Variants in TBRG1 observed in about 807,000 individuals in gnomAD.
TBRG1 encodes nuclear interactor of ARF and MDM2.
TBRG1 carries 31 observed loss-of-function variants against 44.0 expected under a neutral mutation model. The observed-to-expected ratio is 0.70, with a 90% CI of 0.53 to 0.95. The LOEUF (loss-of-function observed/expected upper bound fraction) is 0.95. Among genes scored for constraint, TBRG1 ranks in the 40% least tolerant of loss-of-function variants. The pLI is 0.00. For missense variants in TBRG1, 487 were observed against 496.1 expected (o/e 0.98, Z 0.18); for synonymous variants, 171 against 188.1 (o/e 0.91, Z 0.74).
rs1182168141 is a variant in TBRG1, at chr11:124,632,430, CTT to C, written c.*193_*194del. On this transcript the variant is annotated 3_prime_UTR_variant, in exon 9 of 9. Transcript: ENST00000441174. ...GCTTTATTTTTAGTAATAAATTTCT[CTT>C]GTCAATTCTGTTTACTTTCATCTTG... is the stretch of plus-strand genomic sequence containing the variant. 6.2e-6 allele frequency: 3 copies of C among 482,616 alleles called. No homozygotes were observed. The highest frequency in any genetic ancestry group is 3.7e-6 in the Non-Finnish European group (1 of 272,066). 29.9% of individuals were successfully genotyped at this position (482,616 alleles called of 1,614,324 possible). A position where few individuals can be genotyped will look rare whatever the true frequency, so the allele number is the denominator to read the frequency against.
chr11:124,631,731 T>C (rs1942615045), intron 8 of TBRG1: 1 of 443,360 alleles, frequency 2.3e-6, no homozygotes, highest in African/African-American at 2.0e-5. Context: ...GGGAATAACA[T>C]TTCAAGTGAA....
chr11:124,635,318 C>T lies in TBRG1; in HGVS notation c.*3080C>T, dbSNP rs1942704026. On this transcript the variant is annotated 3_prime_UTR_variant, in exon 9 of 9. Transcript: ENST00000441174. ...TGAACGAGTTGAATGCTAGGAAGTCCTCAGGGGAGCCAACGTTCCTTGTAA... is the reference window on the plus strand; with the variant it reads ...TGAACGAGTTGAATGCTAGGAAGTCTTCAGGGGAGCCAACGTTCCTTGTAA... 6.6e-6 allele frequency: 1 copy of T among 152,136 alleles called. No homozygotes were observed. The highest frequency in any genetic ancestry group is 2.4e-5 in the African/African-American group (1 of 41,422). 9.4% of individuals were successfully genotyped at this position (152,136 alleles called of 1,614,324 possible). A position where few individuals can be genotyped will look rare whatever the true frequency, so the allele number is the denominator to read the frequency against.
chr11:124,630,359 T>G, intron 5 of TBRG1, 29 bp from the exon 6 acceptor site: 6 of 1,412,424 alleles, frequency 4.2e-6, no homozygotes, highest in Non-Finnish European at 6.0e-6. Flanking sequence ...TCTTGAGGAT[T>G]GATCTCATTG....
Position 124,623,221 on chromosome 11 carries a change from G to C in TBRG1, c.138G>C (p.Lys46Asn), listed in dbSNP as rs1477639491. The C allele has an allele frequency of 6.4e-7, 1 of 1,551,390 alleles. No individual in the cohort carries two copies. Among genetic ancestry groups the C allele is most frequent in the Non-Finnish European group, 8.7e-7 (1 of 1,147,016 alleles). ...ACCTGCGGCTGCGCAAAGCGGCCAA[G>C]GCCACGGTGTTTGTGAGTCTGACCC... ...LKYLRLRKAA[K>N]ATVFENAAIC... is the part of the protein sequence containing the mutation. Residue 46 changes from lysine (K) to asparagine (N), a missense_variant, in exon 1 of 9, where the codon AAG becomes AAC. By Grantham distance (94) the Lys-to-Asn change is moderately conservative. Coordinates refer to ENST00000441174, the MANE Select transcript of TBRG1 (RefSeq NM_032811.3).
chr11:124,632,196 G>A lies in TBRG1; in HGVS notation c.1194G>A (p.Leu398=), dbSNP rs748203424. The A allele has an allele frequency of 6.2e-7, 1 of 1,613,814 alleles. No homozygotes were observed. The highest frequency in any genetic ancestry group is 1.7e-5 in the Admixed American group (1 of 60,018). The change falls in exon 9 of 9, where the codon TTG becomes TTA. Residue 398 remains leucine (L), a synonymous_variant. Transcript: ENST00000441174. ...TGGTAGATACTCACCTGCAGCACTT[G>A]AAGTCTCCATCACAGGGTAGCCCAA... is the stretch of plus-strand genomic sequence containing the variant. The part of the protein sequence containing the change: ...EPLVDTHLQH[L]KSPSQGSPIQ...
Position 124,632,147 on chromosome 11 carries a change from C to A in TBRG1, c.1145C>A (p.Pro382His). 6.2e-7 allele frequency: 1 copy of A among 1,613,502 alleles called. No homozygotes were observed. The highest frequency in any genetic ancestry group is 8.5e-7 in the Non-Finnish European group (1 of 1,179,534). The change falls in exon 9 of 9, where the codon CCC (proline) becomes CAC (histidine). Residue 382 changes from proline to histidine, a missense_variant. By Grantham distance (77) the Pro-to-His change is moderately conservative. Coordinates refer to ENST00000441174, the MANE Select transcript of TBRG1 (RefSeq NM_032811.3). ...GCAGCCTTTGTGTCTTCTTACCAGC[C>A]CATGTACCTGACACATGAACCCTTG... ...QPAAFVSSYQ[P>H]MYLTHEPLVD...
At position 124,625,803 on chromosome 11, in the gene TBRG1, T is replaced by G. The variant is rs1483033765; in HGVS notation, c.354T>G (p.Ala118=). 6.3e-7 allele frequency: 1 copy of G among 1,582,706 alleles called. No homozygotes were observed. Among genetic ancestry groups the G allele is most frequent in the East Asian group, 2.3e-5 (1 of 43,718 alleles). The change falls in exon 3 of 9, where the codon GCT becomes GCG. Residue 118 remains alanine (A), a synonymous_variant. Coordinates refer to ENST00000441174, the MANE Select transcript of TBRG1 (RefSeq NM_032811.3). ...VASSVGTIQG[A]GPISGPSTGA... ...GCTCTGTGGGAACTATACAGGGAGC[T>G]GGGCCTATTTCAGGGCCCAGCACTG... is the stretch of plus-strand genomic sequence containing the variant.
intron 5 of TBRG1, among the ~76,000 whole-genome samples, chr11:124,627,643 A>T (rs73622475): frequency 6.6e-6 from 1 of 152,164 alleles, no homozygotes; most frequent in Non-Finnish European, 1.5e-5. Context: ...AGTAAGGTAG[A>T]AGGAAGTAGA....
chr11:124,622,976 G>A lies in TBRG1; in HGVS notation c.-108G>A, dbSNP rs1465409800. On this transcript the variant is annotated 5_prime_UTR_variant, in exon 1 of 9. Transcript: ENST00000441174. ...CGTCCCGGAGAGCTAGATTCCTAGA[G>A]GCCCGATTCCGCTAGCCCGGAACAG... The A allele has an allele frequency of 3.2e-6, 4 of 1,245,038 alleles. No homozygotes were observed. In the African/African-American group the frequency reaches 6.1e-5, roughly 19 times the overall value. The allele number at this position is 1,245,038 out of a possible 1,614,324, so 77.1% of individuals were successfully genotyped here. A position where few individuals can be genotyped will look rare whatever the true frequency, so the allele number is the denominator to read the frequency against.
intron 5 of TBRG1, among the ~76,000 whole-genome samples, chr11:124,629,753 T>C (rs1942568772): frequency 6.6e-6 from 1 of 152,230 alleles, no homozygotes; most frequent in Non-Finnish European, 1.5e-5. Flanking sequence ...ACTTTAAAAC[T>C]AGTCAAATAA....
At position 124,625,831 on chromosome 11, in the gene TBRG1, G is replaced by A; in HGVS notation, c.382G>A (p.Ala128Thr). 1 of 1,580,302 alleles carries A rather than the reference G, an allele frequency of 6.3e-7. No individual in the cohort carries two copies. The highest frequency in any genetic ancestry group is 1.2e-5 in the South Asian group (1 of 85,472). ...GCCTATTTCAGGGCCCAGCACTGGG[G>A]CTGAGGAACCATTTGGGAAGAAAAC... is the stretch of plus-strand genomic sequence containing the variant. The part of the protein sequence containing the change: ...AGPISGPSTG[A>T]EEPFGKKTKK... Residue 128 changes from alanine to threonine, a missense_variant, in exon 3 of 9, where the codon GCT becomes ACT. By Grantham distance (58) the Ala-to-Thr change is moderately conservative (BLOSUM62 0). Transcript: ENST00000441174.
intron 7 of TBRG1, 97 bp from the exon 8 acceptor site, chr11:124,631,178 G>T (rs1017864389): frequency 8.3e-7 from 1 of 1,200,354 alleles, no homozygotes; most frequent in Non-Finnish European, 1.2e-6. Flanking sequence ...ATATATGGGC[G>T]GAATATAAAG....
chr11:124,623,064 C>T lies in TBRG1; in HGVS notation c.-20C>T. On this transcript the variant is annotated 5_prime_UTR_variant, in exon 1 of 9. Coordinates refer to ENST00000441174, the MANE Select transcript of TBRG1 (RefSeq NM_032811.3). ...TCCGATGCCGGCAGCGTCCTGGGGCCCCCGTAGCGGGGCTGGACCATGAGC... is the reference window on the plus strand; with the variant it reads ...TCCGATGCCGGCAGCGTCCTGGGGCTCCCGTAGCGGGGCTGGACCATGAGC... 1 of 1,527,536 alleles carries T rather than the reference C, an allele frequency of 6.5e-7. No individual in the cohort carries two copies. The allele number at this position is 1,527,536 out of a possible 1,614,324, so 94.6% of individuals were successfully genotyped here. A position where few individuals can be genotyped will look rare whatever the true frequency, so the allele number is the denominator to read the frequency against.
In TBRG1 at chr11:124,623,163, A is replaced by G; in HGVS notation, c.80A>G (p.Lys27Arg). Residue 27 changes from lysine (K) to arginine (R), a missense_variant, in exon 1 of 9, where the codon AAG becomes AGG. Physicochemically the swap from Lys to Arg is conservative, Grantham distance 26. Transcript: ENST00000441174. ...SSKARMKKLP[K>R]KSQNEKYRLK... The stretch of plus-strand genomic sequence containing the variant: ...AAGGCCAGGATGAAAAAGCTCCCGA[A>G]GAAGAGCCAGAATGAGAAGTACCGG... The G allele has an allele frequency of 1.3e-6, 2 of 1,551,698 alleles. No homozygotes were observed. Among genetic ancestry groups the G allele is most frequent in the South Asian group, 1.2e-5 (1 of 84,070 alleles).
Position 124,626,654 on chromosome 11 carries a change from C to A in TBRG1, c.591+45C>A, listed in dbSNP as rs572228563. On this transcript the variant is annotated intron_variant, in intron 4 of 8. Transcript: ENST00000441174. ...TATAGAGAGGAGAATCAGGGAAATA[C>A]GGGAATGGGGTTGAGCCTTCCCTCC... 10 of 1,547,604 alleles carry A rather than the reference C, an allele frequency of 6.5e-6. No homozygotes were observed. The East Asian group carries it at 2.4e-4, about 38-fold the overall frequency.
At chr11:124,630,684 C>T (rs1308395989) in intron 6 of TBRG1, 61 bp from the exon 7 acceptor site, 2 of 1,282,120 alleles carry the variant, frequency 1.6e-6, no homozygotes, top group East Asian at 4.9e-5. Context: ...CTATTCTGTT[C>T]TTAAATCCAT....
chr11:124,625,909 T>C lies in TBRG1; in HGVS notation c.454+6T>C, dbSNP rs766090132. Reference sequence around the variant, plus strand: ...AGAGAACAACAAACTGGAAGGTACTTTGGGGAGATGATATCAGTTGCCCCA... The same window carrying C: ...AGAGAACAACAAACTGGAAGGTACTCTGGGGAGATGATATCAGTTGCCCCA... On this transcript the variant is annotated splice_donor_region_variant and intron_variant, in intron 3 of 8. Transcript: ENST00000441174. 2.6e-6 allele frequency: 4 copies of C among 1,562,606 alleles called. No individual in the cohort carries two copies. The South Asian group carries it at 4.9e-5, about 19-fold the overall frequency.
intron 2 of TBRG1, 55 bp downstream of exon 2, chr11:124,625,056 A>T: frequency 1.6e-6 from 2 of 1,257,802 alleles, no homozygotes; most frequent in South Asian, 2.7e-5. Context: ...TGATTTGGTG[A>T]TTGATAATGG....
In TBRG1 at chr11:124,632,345, T is replaced by A; in HGVS notation, c.*107T>A. The A allele has an allele frequency of 1.1e-6, 1 of 936,122 alleles. No homozygotes were observed. The highest frequency in any genetic ancestry group is 1.6e-6 in the Non-Finnish European group (1 of 619,592). The allele number at this position is 936,122 out of a possible 1,614,324, so 58.0% of individuals were successfully genotyped here. A position where few individuals can be genotyped will look rare whatever the true frequency, so the allele number is the denominator to read the frequency against. The stretch of plus-strand genomic sequence containing the variant: ...AGCAATTCAGAAGTAAAGAAGATAC[T>A]AACGTATTTCATCATGGAAGGTCCT... On this transcript the variant is annotated 3_prime_UTR_variant, in exon 9 of 9. Transcript: ENST00000441174.
Sources: allele counts gnomAD v4.1 joint callset (sites outside exome capture counted in the v4.1 genomes callset), GRCh38; gene constraint gnomAD v4.1.1; transcripts MANE v1.5; gene names NCBI Gene and HGNC (gene_info 2026-07-23, HGNC 2026-07-21).